PCDH10: variants seen among roughly 807,000 people sequenced by gnomAD.
PCDH10 encodes the protein protocadherin-10.
A neutral mutation model predicts 74.4 loss-of-function variants in PCDH10; 15 were observed. That is an observed-to-expected ratio of 0.20 (90% CI 0.13 to 0.31). The LOEUF is 0.31. Ranked by LOEUF, PCDH10 falls within the 10% of genes least tolerant of loss-of-function variation. The probability of loss-of-function intolerance (pLI) is 1.00; values close to 1 mark genes in which losing one functional copy is unlikely to be tolerated. For synonymous variants in PCDH10, 619 were observed against 589.8 expected (o/e 1.05, Z -0.72); for missense variants, 1,260 against 1,390.2 (o/e 0.91, Z 1.49).
At chr4:133,156,966 A>G (rs1449965682) in intron 3 of PCDH10, among the ~76,000 whole-genome samples, 1 of 152,232 alleles carries the variant, frequency 6.6e-6, no homozygotes, top group Non-Finnish European at 1.5e-5. Flanking sequence ...ATGTCAAAGC[A>G]TTTAAAAGAA....
chr4:133,176,631 A>G (rs1258114736), intron 4 of PCDH10, among the ~76,000 whole-genome samples: 2 of 152,160 alleles, frequency 1.3e-5, no homozygotes, highest in African/African-American at 4.8e-5. Flanking sequence ...ATTCTTTGAC[A>G]TAATACATGT....
chr4:133,163,396 A>C, intron 4 of PCDH10, 114 bp downstream of exon 4: 1 of 907,206 alleles, frequency 1.1e-6, no homozygotes, highest in Non-Finnish European at 1.7e-6. Flanking sequence ...ATAAAGATAA[A>C]AGTGACTGGA....
intron 3 of PCDH10, among the ~76,000 whole-genome samples, chr4:133,160,117 TATCTG>T (rs1296969206): frequency 6.6e-6 from 1 of 151,994 alleles, no homozygotes; most frequent in Non-Finnish European, 1.5e-5. Context: ...TTCTGTTACT[TATCTG>T]AAGTTTATTG....
At chr4:133,157,252 T>C (rs759680201) in intron 3 of PCDH10, among the ~76,000 whole-genome samples, 1 of 152,212 alleles carries the variant, frequency 6.6e-6, no homozygotes, top group Non-Finnish European at 1.5e-5. Context: ...TCTAATTTTA[T>C]TGTAAGAATA....
chr4:133,199,472 T>C (rs1331735478), downstream of PCDH10, among the ~76,000 whole-genome samples: 3 of 150,638 alleles, frequency 2.0e-5, no homozygotes, highest in East Asian at 2.0e-4. Flanking sequence ...GGGGAGAGGA[T>C]AGAATTGAGA....
intron 2 of PCDH10, among the ~76,000 whole-genome samples, chr4:133,202,978 G>T (rs1248360043): frequency 6.6e-6 from 1 of 152,152 alleles, no homozygotes; most frequent in Admixed American, 6.5e-5. Context: ...AGAGGATCAA[G>T]TTCGGTGCCA....
At position 133,189,790 on chromosome 4, in the gene PCDH10, A is replaced by G. The variant is rs569238042; in HGVS notation, c.3104-351A>G. Among the ~76,000 whole-genome samples the G allele has an allele frequency of 2.6e-5, 4 of 152,236 alleles. No homozygotes were observed. The South Asian group carries it at 8.3e-4, about 32-fold the overall frequency. ...ATTTTGCTAGAAACTTTTTCTAGAA[A>G]TGTAAGGGCCACACATTTTTTTCTA... On this transcript the variant is annotated intron_variant, in intron 4 of 4. Coordinates refer to ENST00000264360, the MANE Select transcript of PCDH10 (RefSeq NM_032961.3).
chr4:133,171,424 A>G (rs1438007342), intron 4 of PCDH10, among the ~76,000 whole-genome samples: 1 of 152,196 alleles, frequency 6.6e-6, no homozygotes, highest in Non-Finnish European at 1.5e-5. Flanking sequence ...AATATTAAAT[A>G]CATATTTTCT....
intron 4 of PCDH10, among the ~76,000 whole-genome samples, chr4:133,170,957 C>T (rs549182878): frequency 3.2e-4 from 49 of 151,636 alleles, no homozygotes; most frequent in Admixed American, 2.6e-4. Flanking sequence ...ATTACAGGCA[C>T]GAACCACCTC....
At chr4:133,189,577 G>A (rs1220891937) in intron 4 of PCDH10, among the ~76,000 whole-genome samples, 6 of 151,932 alleles carry the variant, frequency 3.9e-5, no homozygotes, top group East Asian at 3.9e-4. Flanking sequence ...TTAAAAAAAT[G>A]TATGGGCCAT....
rs1014293098 is a variant in PCDH10 at position 133,193,184 on chromosome 4, G to C, written c.*3024G>C. ...CACATGTAGAATTCTAATTTTTAAC[G>C]TGTGAACATAGTTTGGTGAAATCAT... On this transcript the variant is annotated 3_prime_UTR_variant, in exon 5 of 5. Coordinates refer to ENST00000264360, the MANE Select transcript of PCDH10 (RefSeq NM_032961.3). The C allele has an allele frequency of 1.3e-5, 2 of 151,528 alleles. No homozygotes were observed. The highest frequency in any genetic ancestry group is 2.4e-5 in the African/African-American group (1 of 41,360). The allele number at this position is 151,528 out of a possible 1,614,324, so 9.4% of individuals were successfully genotyped here.
rs1053127115 is a variant in PCDH10, at chr4:133,193,408, TTTTA to T, written c.*3252_*3255del. On this transcript the variant is annotated 3_prime_UTR_variant, in exon 5 of 5. Coordinates refer to ENST00000264360, the MANE Select transcript of PCDH10 (RefSeq NM_032961.3). The stretch of plus-strand genomic sequence containing the variant: ...ATTTAAATATTTTAATTTCTCATTG[TTTTA>T]TTTGTTAATTGGATTGTAATTTGCC... 2 of 151,708 alleles carry T rather than the reference TTTTA, an allele frequency of 1.3e-5. No homozygotes were observed. Among genetic ancestry groups the T allele is most frequent in the Admixed American group, 6.6e-5 (1 of 15,192 alleles). The allele number at this position is 151,708 out of a possible 1,614,324, so 9.4% of individuals were successfully genotyped here. A position where few individuals can be genotyped will look rare whatever the true frequency, so the allele number is the denominator to read the frequency against.
downstream of PCDH10, among the ~76,000 whole-genome samples, chr4:133,195,135 T>C (rs1480279084): frequency 1.3e-5 from 2 of 152,088 alleles, no homozygotes; most frequent in Admixed American, 1.3e-4. Flanking sequence ...AAGGGATAGA[T>C]ACTTTTTACA....
intron 2 of PCDH10, among the ~76,000 whole-genome samples, chr4:133,203,662 C>T (rs1727947462): frequency 6.6e-6 from 1 of 152,182 alleles, no homozygotes; most frequent in South Asian, 2.1e-4. Context: ...TTTAATCTCT[C>T]TGTTCTCTCT....
intron 2 of PCDH10, among the ~76,000 whole-genome samples, chr4:133,201,028 T>C (rs2125877542): frequency 6.6e-6 from 1 of 152,304 alleles, no homozygotes; most frequent in South Asian, 2.1e-4. Flanking sequence ...TAAAATGAAA[T>C]GTAGGCATTT....
intron 4 of PCDH10, among the ~76,000 whole-genome samples, chr4:133,171,738 T>C (rs1316291709): frequency 6.6e-6 from 1 of 152,178 alleles, no homozygotes; most frequent in East Asian, 1.9e-4. Flanking sequence ...AGAAAATGTA[T>C]AGAAAACTTG....
intron 3 of PCDH10, among the ~76,000 whole-genome samples, chr4:133,159,136 AAAAT>A (rs1432489329): frequency 1.3e-5 from 2 of 152,088 alleles, no homozygotes; most frequent in South Asian, 2.1e-4. Context: ...TATTTGGAAA[AAAAT>A]AAACGCTTTG....
intron 4 of PCDH10, among the ~76,000 whole-genome samples, chr4:133,167,219 A>G (rs1198704883): frequency 6.6e-6 from 1 of 151,394 alleles, no homozygotes. Context: ...TATTTGAGGG[A>G]AATTTTTAGA....
chr4:133,151,301 A>G lies in PCDH10; in HGVS notation c.1161A>G (p.Ser387=). 1.9e-6 allele frequency: 3 copies of G among 1,614,146 alleles called. No individual in the cohort carries two copies. Among genetic ancestry groups the G allele is most frequent in the Non-Finnish European group, 2.5e-6 (3 of 1,180,010 alleles). The change falls in exon 1 of 5, where the codon TCA becomes TCG. Residue 387 remains serine (S), a synonymous_variant. Coordinates refer to ENST00000264360, the MANE Select transcript of PCDH10 (RefSeq NM_032961.3). ...TTTTCAGCGTGACTGACCGCGACTC[A>G]GAGGAGAATGGGCAGGTGCAGTGCG... ...VALFSVTDRD[S]EENGQVQCEL... is the part of the protein sequence containing the mutation.
Sources: allele counts gnomAD v4.1 joint callset (sites outside exome capture counted in the v4.1 genomes callset), GRCh38; gene constraint gnomAD v4.1.1; transcripts MANE v1.5; gene names NCBI Gene and HGNC (gene_info 2026-07-23, HGNC 2026-07-21).